ALG6: variants seen among roughly 807,000 people sequenced by gnomAD.
ALG6 encodes dolichyl pyrophosphate Man9GlcNAc2 alpha-1,3-glucosyltransferase.
In ALG6, 46 loss-of-function variants were observed where a neutral mutation model predicts 66.6. That is an observed-to-expected ratio of 0.69 (90% CI 0.55 to 0.88). The LOEUF is 0.88. Ranked by LOEUF, ALG6 falls within the 40% of genes least tolerant of loss-of-function variation. The pLI is 0.00. For missense variants in ALG6, 505 were observed against 586.8 expected (o/e 0.86, Z 1.44); for synonymous variants, 185 against 203.7 (o/e 0.91, Z 0.78).
intron 12 of ALG6, among the ~76,000 whole-genome samples, chr1:63,424,774 ATTTT>A (rs146137714): frequency 7.0e-5 from 8 of 114,040 alleles, no homozygotes; most frequent in South Asian, 2.9e-4. Context: ...TTTTGAGTTA[ATTTT>A]TTTTTTTTTT....
rs141956639 is a variant in ALG6, at chr1:63,437,241, A to T, written c.*221A>T. 8.3e-6 allele frequency: 4 copies of T among 479,528 alleles called. No individual in the cohort carries two copies. The highest frequency in any genetic ancestry group is 1.5e-5 in the Non-Finnish European group (4 of 264,522). 29.7% of individuals were successfully genotyped at this position (479,528 alleles called of 1,614,324 possible). ...TGTCTAAGTACTGCTTGGCCAAAAC[A>T]TGTGGTTTTATTATTCACAGCTATT... is the stretch of plus-strand genomic sequence containing the variant. On this transcript the variant is annotated 3_prime_UTR_variant, in exon 15 of 15. Transcript: ENST00000263440.
intron 12 of ALG6, among the ~76,000 whole-genome samples, chr1:63,422,200 T>C (rs1644581783): frequency 8.1e-6 from 1 of 124,116 alleles, no homozygotes; most frequent in African/African-American, 3.0e-5. Context: ...TATATATCTA[T>C]ATGAATATAA....
At chr1:63,399,524 G>A (rs891800633) in intron 3 of ALG6, among the ~76,000 whole-genome samples, 2 of 152,126 alleles carry the variant, frequency 1.3e-5, no homozygotes, top group South Asian at 2.1e-4. Flanking sequence ...GTGTGTATGC[G>A]TGTATAAAAT....
At chr1:63,414,023 A>G in intron 9 of ALG6, 38 bp from the exon 10 acceptor site, 2 of 1,480,362 alleles carry the variant, frequency 1.4e-6, no homozygotes, top group Admixed American at 3.3e-5. Context: ...ATTTCTTTCA[A>G]TTATACCAGA....
chr1:63,419,544 A>T (rs1031154100), intron 12 of ALG6, 104 bp downstream of exon 12: 4 of 800,726 alleles, frequency 5.0e-6, no homozygotes, highest in Non-Finnish European at 7.6e-6. Flanking sequence ...CACAAATGTT[A>T]TATCTTTGCA....
At chr1:63,375,807 C>G (rs1648104928) in intron 2 of ALG6, among the ~76,000 whole-genome samples, 1 of 152,016 alleles carries the variant, frequency 6.6e-6, no homozygotes, top group Admixed American at 6.5e-5. Flanking sequence ...TTTAGGCTCT[C>G]TCTTTTTTCT....
chr1:63,409,005 C>G (rs1644503603), intron 7 of ALG6, among the ~76,000 whole-genome samples: 1 of 152,164 alleles, frequency 6.6e-6, no homozygotes, highest in African/African-American at 2.4e-5. Flanking sequence ...GTCTCAAACT[C>G]CTGACCTCAA....
chr1:63,422,121 A>G (rs1289083190), intron 12 of ALG6, among the ~76,000 whole-genome samples: 1 of 75,256 alleles, frequency 1.3e-5, no homozygotes, highest in Non-Finnish European at 2.4e-5. Flanking sequence ...ATATATAAAT[A>G]TATAAATAAA....
At position 63,400,265 on chromosome 1, in the gene ALG6, ATACGTATATATATATACG is replaced by A. The variant is rs1644450544; in HGVS notation, c.168-1986_168-1969del. ...TATACGTATATATATGTATATATATATACGTATATATATATACGTATATATATATACGTATATATATGT... is the reference window on the plus strand; with the variant it reads ...TATACGTATATATATGTATATATATATATATATATATACGTATATATATGT... On this transcript the variant is annotated intron_variant, in intron 3 of 14. Coordinates refer to ENST00000263440, the MANE Select transcript of ALG6 (RefSeq NM_013339.4). Among the ~76,000 whole-genome samples, 11 of 1,692 alleles carry A rather than the reference ATACGTATATATATATACG, an allele frequency of 6.5e-3. No homozygotes were observed. In the South Asian group the frequency reaches 0.12, roughly 18 times the overall value. 1.1% of individuals were successfully genotyped at this position (1,692 alleles called of 152,430 possible).
chr1:63,411,267 C>T lies in ALG6; in HGVS notation c.616C>T (p.His206Tyr). ...AINYKQMELY[H>Y]ALPFFCFLLG... is the part of the protein sequence containing the mutation. The stretch of plus-strand genomic sequence containing the variant: ...AAATTATAAACAGATGGAACTTTAC[C>T]ACGCCTTGCCATTTTTTTGCTTTTT... The change falls in exon 8 of 15, where the codon CAC becomes TAC. Residue 206 changes from histidine (H) to tyrosine (Y), a missense_variant. By Grantham distance (83) the His-to-Tyr change is moderately conservative. Coordinates refer to ENST00000263440, the MANE Select transcript of ALG6 (RefSeq NM_013339.4). The T allele has an allele frequency of 6.2e-7, 1 of 1,613,852 alleles. No homozygotes were observed. Among genetic ancestry groups the T allele is most frequent in the East Asian group, 2.2e-5 (1 of 44,832 alleles).
intron 14 of ALG6, 125 bp from the exon 15 acceptor site, chr1:63,436,698 C>T: frequency 1.1e-6 from 1 of 915,348 alleles, no homozygotes; most frequent in Non-Finnish European, 1.7e-6. Context: ...TTGAGATACA[C>T]CAGAATAAAT....
intron 10 of ALG6, among the ~76,000 whole-genome samples, chr1:63,415,226 G>A (rs72916659): frequency 0.026 from 4,003 of 151,762 alleles, 196 homozygotes; most frequent in African/African-American, 0.092. Flanking sequence ...ATCAGTTATT[G>A]TATTAGGTTA....
intron 14 of ALG6, among the ~76,000 whole-genome samples, chr1:63,435,671 TCA>T (rs1220670589): frequency 1.3e-5 from 2 of 152,132 alleles, no homozygotes; most frequent in Admixed American, 1.3e-4. Flanking sequence ...TTAAAGGAGC[TCA>T]CAGTCTAGAG....
chr1:63,375,966 T>A lies in ALG6; in HGVS notation c.82+4907T>A, dbSNP rs377040499. Among the ~76,000 whole-genome samples, 161 of 152,230 alleles carry A rather than the reference T, an allele frequency of 1.1e-3. 2 individuals carry two copies. The South Asian group carries it at 0.019, about 18-fold the overall frequency. ...ATTATAGTTCCTTTTTTATTTCTTATATAGTTAGTGGTGTTTCATTTTTTA... is the reference window on the plus strand; with the variant it reads ...ATTATAGTTCCTTTTTTATTTCTTAAATAGTTAGTGGTGTTTCATTTTTTA... On this transcript the variant is annotated intron_variant, in intron 2 of 14. Coordinates refer to ENST00000263440, the MANE Select transcript of ALG6 (RefSeq NM_013339.4).
intron 2 of ALG6, among the ~76,000 whole-genome samples, chr1:63,379,907 G>C (rs1648250147): frequency 6.6e-6 from 1 of 151,738 alleles, no homozygotes; most frequent in African/African-American, 2.4e-5. Context: ...ATTTTTAAAA[G>C]CTCCATAAGT....
At chr1:63,412,096 T>G in intron 9 of ALG6, 35 bp downstream of exon 9, 1 of 1,613,670 alleles carries the variant, frequency 6.2e-7, no homozygotes, top group Non-Finnish European at 8.5e-7. Context: ...TTTCTGTTAC[T>G]GTACCTTACC....
At chr1:63,424,774 ATTTTTTT>A (rs146137714) in intron 12 of ALG6, among the ~76,000 whole-genome samples, 2 of 114,022 alleles carry the variant, frequency 1.8e-5, no homozygotes, top group Non-Finnish European at 3.4e-5. Flanking sequence ...TTTTGAGTTA[ATTTTTTT>A]TTTTTTTTTT....
chr1:63,370,698 A>C, intron 1 of ALG6, 73 bp from the exon 2 acceptor site: 1 of 394,724 alleles, frequency 2.5e-6, no homozygotes, highest in Non-Finnish European at 4.6e-6. Context: ...CTATCCTTCT[A>C]CTTGGTTTAC....
chr1:63,367,652 G>A lies in ALG6; in HGVS notation c.-243G>A, dbSNP rs907116488. 1 of 152,336 alleles carries A rather than the reference G, an allele frequency of 6.6e-6. No individual in the cohort carries two copies. Among genetic ancestry groups the A allele is most frequent in the Non-Finnish European group, 1.5e-5 (1 of 68,130 alleles). The allele number at this position is 152,336 out of a possible 1,614,324, so 9.4% of individuals were successfully genotyped here. A position where few individuals can be genotyped will look rare whatever the true frequency, so the allele number is the denominator to read the frequency against. ...GCGCATGCGCCTTCCTGGGACCCAC[G>A]GCAGGCGCGAATCCCAGCGGCCGGC... is the stretch of plus-strand genomic sequence containing the variant. On this transcript the variant is annotated 5_prime_UTR_variant, in exon 1 of 15. Coordinates refer to ENST00000263440, the MANE Select transcript of ALG6 (RefSeq NM_013339.4).
Sources: gnomAD v4.1 joint callset for allele counts (sites outside exome capture counted in the v4.1 genomes callset) on GRCh38, gnomAD v4.1.1 for gene constraint, MANE v1.5 for transcripts, NCBI Gene and HGNC (gene_info 2026-07-23, HGNC 2026-07-21) for gene names.